The following CES5A variants were observed in gnomAD, a reference collection of about 807,000 sequenced individuals.
CES5A encodes the protein carboxylesterase 5A.
In CES5A, 67 loss-of-function variants were observed where a neutral mutation model predicts 62.9. The observed-to-expected ratio is 1.07, with a 90% confidence interval of 0.88 to 1.31. The LOEUF is 1.31. Ranked by LOEUF, CES5A falls within the 50% of genes most tolerant of loss-of-function variation. The probability of loss-of-function intolerance (pLI) is 0.00; values close to 1 mark genes in which losing one functional copy is unlikely to be tolerated. For missense variants in CES5A, 748 were observed against 708.5 expected (o/e 1.06, Z -0.63); for synonymous variants, 296 against 280.8 (o/e 1.05, Z -0.54).
intron 11 of CES5A, among the ~76,000 whole-genome samples, chr16:55,849,315 G>A (rs1003561407): frequency 3.3e-5 from 5 of 150,868 alleles, no homozygotes; most frequent in African/African-American, 1.2e-4. Flanking sequence ...TAAGACCAGT[G>A]GTCAAAGAAA....
At chr16:55,923,138 G>GA (rs142491360) in intron 1 of CES5A, among the ~76,000 whole-genome samples, 5,494 of 149,334 alleles carry the variant, frequency 0.037, 329 homozygotes, top group African/African-American at 0.13. Flanking sequence ...AGAAAAGCAA[G>GA]AAAAAAAACA....
Position 55,873,958 on chromosome 16 carries a change from AG to A in CES5A, c.152del (p.Pro51LeufsTer4), listed in dbSNP as rs1478202427. 6.2e-7 allele frequency: 1 copy of A among 1,613,330 alleles called. No individual in the cohort carries two copies. The highest frequency in any genetic ancestry group is 1.7e-5 in the Admixed American group (1 of 59,942). ...CTCCGAGGAACACGTTCACAGGCACAGGGCTTCCCAGCACAGTGACTTGCTT... is the reference window on the plus strand; with the variant it reads ...CTCCGAGGAACACGTTCACAGGCACAGGCTTCCCAGCACAGTGACTTGCTT... Reference protein sequence around the residue: ...QGKQVTVLGSPVPVNVFLGVP... With the variant: ...QGKQVTVLGSXVPVNVFLGVP... On this transcript the variant is annotated frameshift_variant, in exon 2 of 13. Transcript: ENST00000290567. LOFTEE classifies it high-confidence loss of function.
intron 1 of CES5A, among the ~76,000 whole-genome samples, chr16:55,898,111 T>C (rs1020661403): frequency 1.3e-5 from 2 of 152,230 alleles, no homozygotes; most frequent in Non-Finnish European, 2.9e-5. Context: ...TCAGTTTTGA[T>C]CTGTGTCATG....
At chr16:55,846,746 G>A in intron 12 of CES5A, 22 bp downstream of exon 12, 3 of 1,613,712 alleles carry the variant, frequency 1.9e-6, no homozygotes, top group Middle Eastern at 1.6e-4. Flanking sequence ...TTGGCATGGG[G>A]GAGACCGGGA....
chr16:55,907,198 C>T (rs1233001217), intron 1 of CES5A, among the ~76,000 whole-genome samples: 1 of 152,120 alleles, frequency 6.6e-6, no homozygotes, highest in East Asian at 1.9e-4. Flanking sequence ...AAACTTCATC[C>T]CATGGGCAAT....
chr16:55,950,017 A>T, intron 1 of CES5A: 1 of 399,606 alleles, frequency 2.5e-6, no homozygotes, highest in Non-Finnish European at 4.0e-6. Flanking sequence ...ATAATAATAA[A>T]AATCCATAAC....
In CES5A at chr16:55,875,156, G is replaced by A; in HGVS notation, c.66C>T (p.Pro22=). The change falls in exon 1 of 13, where the codon CCC becomes CCT. Residue 22 remains proline, a synonymous_variant. Transcript: ENST00000290567. The part of the protein sequence containing the change: ...LIWAIWVLAA[P]TKGPSAEGPQ... ...TCCCATTGGATATCTCACCTTTGGTGGGGGCTGCAAGGACCCAGATAGCCC... is the reference window on the plus strand; with the variant it reads ...TCCCATTGGATATCTCACCTTTGGTAGGGGCTGCAAGGACCCAGATAGCCC... 1.2e-6 allele frequency: 2 copies of A among 1,613,948 alleles called. No homozygotes were observed. Among genetic ancestry groups the A allele is most frequent in the Non-Finnish European group, 1.7e-6 (2 of 1,179,860 alleles).
chr16:55,890,839 C>T (rs940533321), intron 1 of CES5A, among the ~76,000 whole-genome samples: 1 of 152,128 alleles, frequency 6.6e-6, no homozygotes, highest in Non-Finnish European at 1.5e-5. Flanking sequence ...AGGATGGACA[C>T]CTGTAACACA....
At chr16:55,883,104 A>T (rs1457630941) in intron 1 of CES5A, among the ~76,000 whole-genome samples, 1 of 152,224 alleles carries the variant, frequency 6.6e-6, no homozygotes, top group Non-Finnish European at 1.5e-5. Flanking sequence ...TCAAGCAGGG[A>T]TGCCACACCT....
intron 4 of CES5A, among the ~76,000 whole-genome samples, chr16:55,866,983 C>T (rs1284836635): frequency 1.3e-5 from 2 of 152,170 alleles, no homozygotes; most frequent in African/African-American, 4.8e-5. Flanking sequence ...GGGTTTTCTC[C>T]CTTTGCTTTT....
chr16:55,861,695 C>T (rs1355787894), intron 6 of CES5A, among the ~76,000 whole-genome samples, 179 bp from the exon 7 acceptor site: 2 of 152,198 alleles, frequency 1.3e-5, no homozygotes, highest in African/African-American at 4.8e-5. Flanking sequence ...CAGTTTCCCA[C>T]TGCATCACCC....
intron 1 of CES5A, among the ~76,000 whole-genome samples, chr16:55,903,023 C>A (rs1213612045): frequency 1.3e-5 from 2 of 152,102 alleles, no homozygotes; most frequent in Non-Finnish European, 2.9e-5. Context: ...CTTTATAATT[C>A]TGATGGGGGA....
Position 55,902,952 on chromosome 16 carries a change from G to A in CES5A, c.-256+22371C>T, listed in dbSNP as rs552032026. ...AGGAGAGATCAGAAGAAAGATAGGA[G>A]AGAGAGAGGAAAGAAAGACAGACAG... On this transcript the variant is annotated intron_variant, in intron 1 of 12. Transcript: ENST00000518005. 4.6e-5 allele frequency among the ~76,000 whole-genome samples: 7 copies of A among 152,212 alleles called. No homozygotes were observed. In the South Asian group the frequency reaches 1.5e-3, roughly 32 times the overall value.
chr16:55,950,574 G>A (rs2034543962), intron 1 of CES5A, among the ~76,000 whole-genome samples: 1 of 151,532 alleles, frequency 6.6e-6, no homozygotes, highest in South Asian at 2.1e-4. Flanking sequence ...GAACACACAA[G>A]GAAACACAGA....
At position 55,849,908 on chromosome 16, in the gene CES5A, CT is replaced by C. The variant is rs531969574; in HGVS notation, c.1274-136del. ...TCAGAGACAGCTCACTTCCCCCTTC[CT>C]CATTTGAGGCTGGAATTTCCTGCTA... On this transcript the variant is annotated intron_variant, in intron 10 of 12. Transcript: ENST00000290567. 2.6e-3 allele frequency: 2,273 copies of C among 890,476 alleles called. 42 individuals are homozygous for C. In the South Asian group the frequency reaches 0.027, roughly 11 times the overall value. 55.2% of individuals were successfully genotyped at this position (890,476 alleles called of 1,614,324 possible).
intron 1 of CES5A, among the ~76,000 whole-genome samples, chr16:55,894,786 C>T (rs559553601): frequency 6.6e-6 from 1 of 152,126 alleles, no homozygotes; most frequent in Non-Finnish European, 1.5e-5. Flanking sequence ...AGTTCCATGG[C>T]AGTTTTGAAG....
chr16:55,899,655 A>T (rs1056379835), intron 1 of CES5A, among the ~76,000 whole-genome samples: 1 of 152,164 alleles, frequency 6.6e-6, no homozygotes, highest in African/African-American at 2.4e-5. Context: ...AGTCGTTCCC[A>T]ACCAAGGTGC....
chr16:55,880,316 G>A (rs2033747953), upstream of CES5A, among the ~76,000 whole-genome samples: 1 of 152,166 alleles, frequency 6.6e-6, no homozygotes, highest in African/African-American at 2.4e-5. Flanking sequence ...CAGGACAGAT[G>A]GAGTCCCCCA....
intron 1 of CES5A, among the ~76,000 whole-genome samples, chr16:55,880,446 C>G (rs534146732): frequency 1.3e-5 from 2 of 152,126 alleles, no homozygotes; most frequent in Admixed American, 1.3e-4. Context: ...TCAGGAACAC[C>G]CCCTCGTCTC....
Sources: gnomAD v4.1 joint callset for allele counts (sites outside exome capture counted in the v4.1 genomes callset) on GRCh38, gnomAD v4.1.1 for gene constraint, MANE v1.5 for transcripts, NCBI Gene and HGNC (gene_info 2026-07-23, HGNC 2026-07-21) for gene names.